SZT2: variants seen among roughly 807,000 people sequenced by gnomAD.
SZT2 encodes KICSTOR complex protein SZT2.
Under a neutral mutation model 404.2 loss-of-function variants are expected in SZT2, and 216 were observed. That is an observed-to-expected ratio of 0.53 (90% CI 0.48 to 0.60). SZT2 has a LOEUF of 0.60. Among genes scored for constraint, SZT2 ranks in the 20% least tolerant of loss-of-function variants. The pLI is 0.00. For missense variants in SZT2, 3,857 were observed against 4,459.2 expected (o/e 0.86, Z 3.85); for synonymous variants, 1,693 against 1,749.9 (o/e 0.97, Z 0.81).
At chr1:43,419,657 C>G in intron 7 of SZT2, 77 bp from the exon 8 acceptor site, 1 of 1,251,182 alleles carries the variant, frequency 8.0e-7, no homozygotes, top group Non-Finnish European at 1.1e-6. Context: ...GCCACCTAGC[C>G]CAGTCTCTTT....
chr1:43,395,872 GA>G (rs1648935347), intron 1 of SZT2, among the ~76,000 whole-genome samples: 1 of 152,210 alleles, frequency 6.6e-6, no homozygotes, highest in Non-Finnish European at 1.5e-5. Context: ...ATGAGGACAT[GA>G]TGGCACCCTG....
In SZT2 at chr1:43,409,964, G is replaced by C. The variant is rs140643705; in HGVS notation, c.499-5118G>C. On this transcript the variant is annotated intron_variant, in intron 4 of 71. Transcript: ENST00000634258. ...CCCAGAATAGCCAAAGCTATTCTGA[G>C]CAAAACAAACAAAACTGGAGGAATC... 1,073 of 152,332 alleles carry C rather than the reference G, an allele frequency of 7.0e-3. 13 individuals carry two copies. Among genetic ancestry groups the C allele is most frequent in the African/African-American group, 0.024 (1,006 of 41,556 alleles). 9.4% of individuals were successfully genotyped at this position (152,332 alleles called of 1,614,324 possible).
rs574135422 is a variant in SZT2, at chr1:43,447,721, G to C, written c.9440+23G>C. ...CAGGTAAGGCTGAGAGGGGCATCCA[G>C]CATGCACGCTGCAGGAGCTGGGGTT... is the stretch of plus-strand genomic sequence containing the variant. On this transcript the variant is annotated intron_variant, in intron 67 of 71. Transcript: ENST00000634258. 4.3e-6 allele frequency: 7 copies of C among 1,612,098 alleles called. No individual in the cohort carries two copies. The South Asian group carries it at 5.5e-5, about 13-fold the overall frequency.
chr1:43,433,057 T>A lies in SZT2; in HGVS notation c.5671T>A (p.Phe1891Ile). ...TGACACCCTTGGTGAGAAGGCCCCCTTCACATTGCGGACTCCACCTGGGCC... is the reference window on the plus strand; with the variant it reads ...TGACACCCTTGGTGAGAAGGCCCCCATCACATTGCGGACTCCACCTGGGCC... ...PNDTLGEKAP[F>I]TLRTPPGPAP... The change falls in exon 40 of 72, where the codon TTC becomes ATC. Residue 1891 changes from phenylalanine to isoleucine, a missense_variant. Physicochemically the swap from Phe to Ile is conservative, Grantham distance 21. Transcript: ENST00000634258. 1 of 1,614,090 alleles carries A rather than the reference T, an allele frequency of 6.2e-7. No individual in the cohort carries two copies.
intron 2 of SZT2, 116 bp from the exon 3 acceptor site, chr1:43,403,485 G>T: frequency 7.1e-7 from 1 of 1,416,594 alleles, no homozygotes; most frequent in East Asian, 2.4e-5. Flanking sequence ...AAGAGTATAC[G>T]GTTAGATTGA....
rs373535733 is a variant in SZT2 at position 43,420,882 on chromosome 1, C to T, written c.1395C>T (p.Gly465=). Residue 465 remains glycine (G), a synonymous_variant, in exon 10 of 72, where the codon GGC becomes GGT. Coordinates refer to ENST00000634258, the MANE Select transcript of SZT2 (RefSeq NM_001365999.1). The surrounding 1 kb of genome is among the most constrained non-coding windows in gnomAD (Gnocchi z 5.1). The part of the protein sequence containing the change: ...RVTRVEVTME[G]GYDILHDVSC... ...CACGGGTGGAAGTGACGATGGAAGG[C>T]GGCTACGACATTTTGCATGATGTGT... 98 of 1,598,326 alleles carry T rather than the reference C, an allele frequency of 6.1e-5. No individual in the cohort carries two copies. The highest frequency in any genetic ancestry group is 7.5e-5 in the Non-Finnish European group (88 of 1,179,820).
At chr1:43,449,033 G>T in intron 70 of SZT2, 1 of 346,374 alleles carries the variant, frequency 2.9e-6, no homozygotes, top group Non-Finnish European at 5.3e-6. Context: ...TGGAGCCCCA[G>T]AAAGGACCCC....
At chr1:43,427,810 G>A (rs572089772) in intron 26 of SZT2, 76 bp downstream of exon 26, 3 of 1,523,916 alleles carry the variant, frequency 2.0e-6, no homozygotes, top group Non-Finnish European at 2.7e-6. Context: ...ACACTAATAG[G>A]CGTGGGCAGG....
rs1656515238 is a variant in SZT2 at position 43,452,221 on chromosome 1, G to T, written c.*1741G>T. On this transcript the variant is annotated 3_prime_UTR_variant, in exon 72 of 72. Transcript: ENST00000634258. ...CTTTCTCACCTGAGCCAAAACCCCA[G>T]CTGCATGCCTCAGGTTCTCCAGAAA... The T allele has an allele frequency of 6.2e-7, 1 of 1,613,402 alleles. No homozygotes were observed. Among genetic ancestry groups the T allele is most frequent in the Non-Finnish European group, 8.5e-7 (1 of 1,179,636 alleles).
rs1384244880 is a variant in SZT2 at position 43,415,946 on chromosome 1, G to A, written c.631-14G>A. 1.3e-5 allele frequency: 20 copies of A among 1,593,136 alleles called. No individual in the cohort carries two copies. The highest frequency in any genetic ancestry group is 1.5e-5 in the Non-Finnish European group (18 of 1,177,462). Reference sequence around the variant, plus strand: ...CCATCTGCCCCATTCTGTCTTTTCTGTAACTTGGGGCAGGCAGAAGACCAG... The same window carrying A: ...CCATCTGCCCCATTCTGTCTTTTCTATAACTTGGGGCAGGCAGAAGACCAG... On this transcript the variant is annotated splice_polypyrimidine_tract_variant and intron_variant, in intron 5 of 71. Coordinates refer to ENST00000634258, the MANE Select transcript of SZT2 (RefSeq NM_001365999.1).
rs368046273 is a variant in SZT2, at chr1:43,398,877, C to T, written c.28-4300C>T. Among the ~76,000 whole-genome samples the T allele has an allele frequency of 1.4e-4, 21 of 152,146 alleles. No individual in the cohort carries two copies. In the East Asian group the frequency reaches 1.9e-3, roughly 14 times the overall value. The stretch of plus-strand genomic sequence containing the variant: ...CGGGCAGATCACAAGGTCAGGAGTT[C>T]GAGACCAGCCTGGCCAATATGGTGA... On this transcript the variant is annotated intron_variant, in intron 1 of 71. Coordinates refer to ENST00000634258, the MANE Select transcript of SZT2 (RefSeq NM_001365999.1).
In SZT2 at chr1:43,424,183, A is replaced by T. The variant is rs758213463; in HGVS notation, c.2256-34A>T. 6 of 1,573,856 alleles carry T rather than the reference A, an allele frequency of 3.8e-6. No individual in the cohort carries two copies. The highest frequency in any genetic ancestry group is 5.2e-6 in the Non-Finnish European group (6 of 1,162,166). ...GAAGGGCGTGGCTTAGCCGGGGATG[A>T]GAGAGATAGCTGGGGAGTTGTCCCA... is the stretch of plus-strand genomic sequence containing the variant. On this transcript the variant is annotated intron_variant, in intron 15 of 71. Transcript: ENST00000634258. This position sits in a 1 kb window ranked among gnomAD's most constrained non-coding sequence, Gnocchi z 4.1.
Position 43,453,823 on chromosome 1 carries a change from G to C in SZT2, c.*3343G>C. ...GGGGAGGCCGGGCCGGGCGGAGTCCGCGGGATCCAAAGGCGGCGGGCGGCG... is the reference window on the plus strand; with the variant it reads ...GGGGAGGCCGGGCCGGGCGGAGTCCCCGGGATCCAAAGGCGGCGGGCGGCG... On this transcript the variant is annotated 3_prime_UTR_variant, in exon 72 of 72. Coordinates refer to ENST00000634258, the MANE Select transcript of SZT2 (RefSeq NM_001365999.1). The C allele has an allele frequency of 8.1e-7, 1 of 1,236,646 alleles. No homozygotes were observed. Among genetic ancestry groups the C allele is most frequent in the South Asian group, 3.6e-5 (1 of 27,914 alleles). 76.6% of individuals were successfully genotyped at this position (1,236,646 alleles called of 1,614,324 possible). A position where few individuals can be genotyped will look rare whatever the true frequency, so the allele number is the denominator to read the frequency against.
At chr1:43,404,154 C>A in intron 3 of SZT2, 1 of 544,654 alleles carries the variant, frequency 1.8e-6, no homozygotes, top group Non-Finnish European at 3.2e-6. Context: ...CTACAGTGAG[C>A]CGGGATCAGG....
intron 7 of SZT2, among the ~76,000 whole-genome samples, chr1:43,417,029 G>C (rs905407451): frequency 2.6e-5 from 4 of 152,286 alleles, no homozygotes; most frequent in Admixed American, 2.6e-4. Flanking sequence ...ATGGACTGTA[G>C]GGAAGGAGGT....
At position 43,429,956 on chromosome 1, in the gene SZT2, A is replaced by G. The variant is rs993630038; in HGVS notation, c.4309-55A>G. ...TGTGTCCTGCTCTAGGGTAGGGAGT[A>G]GTATCCTGTTGAGGGGTGACTGACA... On this transcript the variant is annotated intron_variant, in intron 29 of 71. Coordinates refer to ENST00000634258, the MANE Select transcript of SZT2 (RefSeq NM_001365999.1). 71 of 1,612,424 alleles carry G rather than the reference A, an allele frequency of 4.4e-5. No individual in the cohort carries two copies. The Admixed American group carries it at 1.2e-3, about 26-fold the overall frequency.
At chr1:43,407,205 C>G (rs942051882) in intron 4 of SZT2, among the ~76,000 whole-genome samples, 1 of 152,126 alleles carries the variant, frequency 6.6e-6, no homozygotes. Flanking sequence ...CTCTGTGGCT[C>G]CCTCAAGATG....
Position 43,452,463 on chromosome 1 carries a change from A to G in SZT2, c.*1983A>G, listed in dbSNP as rs756245189. On this transcript the variant is annotated 3_prime_UTR_variant, in exon 72 of 72. Transcript: ENST00000634258. ...GGTCACGATGCCCAGGTATCCCAGC[A>G]CTTTCAGAGACACTTCAGTGATGGC... 1.4e-6 allele frequency: 1 copy of G among 724,652 alleles called. No individual in the cohort carries two copies. The highest frequency in any genetic ancestry group is 2.5e-6 in the Non-Finnish European group (1 of 394,544). 44.9% of individuals were successfully genotyped at this position (724,652 alleles called of 1,614,324 possible).
At position 43,453,001 on chromosome 1, in the gene SZT2, A is replaced by G. The variant is rs1570766144; in HGVS notation, c.*2521A>G. 1.3e-6 allele frequency: 2 copies of G among 1,560,608 alleles called. No individual in the cohort carries two copies. The highest frequency in any genetic ancestry group is 1.8e-6 in the Non-Finnish European group (2 of 1,135,974). ...ACTTCCTGCCCATCAAGCAATGCCC[A>G]CTCCTTGAAGACAGTCCAAGCATCA... is the stretch of plus-strand genomic sequence containing the variant. On this transcript the variant is annotated 3_prime_UTR_variant, in exon 72 of 72. Coordinates refer to ENST00000634258, the MANE Select transcript of SZT2 (RefSeq NM_001365999.1).
Sources: gnomAD v4.1 joint callset for allele counts (sites outside exome capture counted in the v4.1 genomes callset) on GRCh38, gnomAD v4.1.1 for gene constraint, Gnocchi (gnomAD v3.1) non-coding constraint, MANE v1.5 for transcripts, NCBI Gene and HGNC (gene_info 2026-07-23, HGNC 2026-07-21) for gene names.